Variants in ADHFE1 observed in about 807,000 individuals in gnomAD.
The protein encoded by ADHFE1 is hydroxyacid-oxoacid transhydrogenase, mitochondrial.
A neutral mutation model predicts 54.8 loss-of-function variants in ADHFE1; 37 were observed. That is an observed-to-expected ratio of 0.68 (90% CI 0.52 to 0.89). The LOEUF (loss-of-function observed/expected upper bound fraction) is 0.89. ADHFE1 is among the 40% of genes least tolerant of loss of function. ADHFE1 has a pLI of 0.00. For missense variants in ADHFE1, 601 were observed against 591.2 expected (o/e 1.02, Z -0.17); for synonymous variants, 203 against 229.3 (o/e 0.89, Z 1.04).
At position 66,454,072 on chromosome 8, in the gene ADHFE1, C is replaced by A. The variant is rs1212123276; in HGVS notation, c.901C>A (p.Pro301Thr). ...TATCATTCACAGGGCTGTCAGAAAT[C>A]CCGATGATCTTGAAGCAAGGTCTCA... The part of the protein sequence containing the change: ...AKYLKRAVRN[P>T]DDLEARSHMH... Residue 301 changes from proline to threonine, a missense_variant, in exon 10 of 14, where the codon CCC becomes ACC. Transcript: ENST00000396623. The A allele has an allele frequency of 6.2e-7, 1 of 1,613,848 alleles. No individual in the cohort carries two copies. The highest frequency in any genetic ancestry group is 1.3e-5 in the African/African-American group (1 of 74,898).
At chr8:66,434,261 T>C (rs140393423) in intron 1 of ADHFE1, among the ~76,000 whole-genome samples, 1 of 152,152 alleles carries the variant, frequency 6.6e-6, no homozygotes, top group African/African-American at 2.4e-5. Flanking sequence ...AGGAGGAAAA[T>C]GGCAACTTCA....
At position 66,444,772 on chromosome 8, in the gene ADHFE1, T is replaced by C. The variant is rs1805938085; in HGVS notation, c.353+24T>C. 7 of 1,612,704 alleles carry C rather than the reference T, an allele frequency of 4.3e-6. No individual in the cohort carries two copies. The East Asian group carries it at 1.3e-4, about 31-fold the overall frequency. On this transcript the variant is annotated intron_variant, in intron 5 of 13. Coordinates refer to ENST00000396623, the MANE Select transcript of ADHFE1 (RefSeq NM_144650.3). ...AGGTATTCTTGTATTGTTGTTATTG[T>C]TTCTTTACTTTAAGCAGAAGCTAAC...
rs187158237 is a variant in ADHFE1, at chr8:66,448,894, C to A, written c.658C>A (p.Leu220Met). 5 of 1,614,180 alleles carry A rather than the reference C, an allele frequency of 3.1e-6. No individual in the cohort carries two copies. Among genetic ancestry groups the A allele is most frequent in the Non-Finnish European group, 3.4e-6 (4 of 1,180,040 alleles). ...GITSRAIKPT[L>M]GLIDPLHTLH... ...CACTTCGAGAGCCATCAAACCCACA[C>A]TGGGACTGATTGATCCTCTGCACAC... is the stretch of plus-strand genomic sequence containing the variant. The change falls in exon 8 of 14, where the codon CTG becomes ATG. Residue 220 changes from leucine to methionine, a missense_variant. Leu to Met is a conservative substitution (Grantham distance 15). Coordinates refer to ENST00000396623, the MANE Select transcript of ADHFE1 (RefSeq NM_144650.3).
intron 9 of ADHFE1, among the ~76,000 whole-genome samples, chr8:66,452,978 C>A (rs1311724233): frequency 6.6e-6 from 1 of 152,246 alleles, no homozygotes; most frequent in Non-Finnish European, 1.5e-5. Flanking sequence ...GAGCTAGAAG[C>A]TCCACTGACA....
rs1173612688 is a variant in ADHFE1 at position 66,439,132 on chromosome 8, G to A, written c.60-1030G>A. ...CGCGCCAGCTCTCACTCGCCCCCGC[G>A]TCTGCTTTGACTTCGCAGTTCGAAT... On this transcript the variant is annotated intron_variant, in intron 1 of 13. Transcript: ENST00000396623. This position sits in a 1 kb window ranked among gnomAD's most constrained non-coding sequence, Gnocchi z 4.4. The A allele has an allele frequency of 5.2e-6, 5 of 955,074 alleles. No homozygotes were observed. Among genetic ancestry groups the A allele is most frequent in the Non-Finnish European group, 6.2e-6 (5 of 802,456 alleles). 59.2% of individuals were successfully genotyped at this position (955,074 alleles called of 1,614,324 possible).
chr8:66,458,508 TTG>T (rs1324994088), intron 12 of ADHFE1, among the ~76,000 whole-genome samples: 5 of 152,210 alleles, frequency 3.3e-5, no homozygotes, highest in African/African-American at 1.2e-4. Flanking sequence ...TCAGCTGCCT[TTG>T]TGTATATTCA....
At chr8:66,451,806 TG>T in intron 8 of ADHFE1, 146 bp from the exon 9 acceptor site, 1 of 826,068 alleles carries the variant, frequency 1.2e-6, no homozygotes, top group Non-Finnish European at 1.8e-6. Context: ...AGAGGTGGGC[TG>T]GTAGAATGTA....
Position 66,445,387 on chromosome 8 carries a change from T to C in ADHFE1, c.523T>C (p.Ser175Pro), listed in dbSNP as rs146377307. ...SAPIGKGKPV[S>P]VPLKPLIAVP... ...CCCCATTGGCAAGGGAAAGCCTGTGTCTGTGCCTCTTAAGCCTCTGATTGC... is the reference window on the plus strand; with the variant it reads ...CCCCATTGGCAAGGGAAAGCCTGTGCCTGTGCCTCTTAAGCCTCTGATTGC... The change falls in exon 6 of 14, where the codon TCT becomes CCT. Residue 175 changes from serine (S) to proline (P), a missense_variant. Transcript: ENST00000396623. 2.1e-5 allele frequency: 34 copies of C among 1,612,396 alleles called. No individual in the cohort carries two copies. The African/African-American group carries it at 4.0e-4, about 19-fold the overall frequency.
intron 1 of ADHFE1, among the ~76,000 whole-genome samples, chr8:66,437,761 T>TCCC (rs1805541352): frequency 6.6e-6 from 1 of 152,084 alleles, no homozygotes; most frequent in South Asian, 2.1e-4. Flanking sequence ...AAATTCACAG[T>TCCC]CCACAGGCAG....
chr8:66,452,052 C>G lies in ADHFE1; in HGVS notation c.834C>G (p.Ile278Met). ...CTGCGTACCAGGGCAGCAACCCAATCAGTGACATTTGGGCTATCCACGCGC... is the reference window on the plus strand; with the variant it reads ...CTGCGTACCAGGGCAGCAACCCAATGAGTGACATTTGGGCTATCCACGCGC... ...TRPAYQGSNPISDIWAIHALR... is the reference protein window; with the variant it reads ...TRPAYQGSNPMSDIWAIHALR... The change falls in exon 9 of 14, where the codon ATC (isoleucine) becomes ATG (methionine). Residue 278 changes from isoleucine (I) to methionine (M), a missense_variant. Transcript: ENST00000396623. 1 of 1,614,242 alleles carries G rather than the reference C, an allele frequency of 6.2e-7. No individual in the cohort carries two copies.
At chr8:66,451,346 A>G (rs4737233) in intron 8 of ADHFE1, among the ~76,000 whole-genome samples, 15,212 of 152,244 alleles carry the variant, frequency 0.1, 862 homozygotes, top group East Asian at 0.25. Context: ...AATACTTTAC[A>G]TGTGTCAACT....
chr8:66,460,574 G>T (rs527288861), intron 13 of ADHFE1, 109 bp downstream of exon 13: 29 of 1,349,774 alleles, frequency 2.1e-5, no homozygotes, highest in Non-Finnish European at 2.6e-5. Context: ...GCTCCCCGGT[G>T]GTTCTCGGGT....
In ADHFE1 at chr8:66,439,048, T is replaced by TGGCCC. The variant is rs201366185; in HGVS notation, c.60-1112_60-1108dup. Reference sequence around the variant, plus strand: ...CCACCGTGAAGGGACAAGCCTGGCCTGGCCCGCGTCCTCTCCCCCGGCGCG... The same window carrying TGGCCC: ...CCACCGTGAAGGGACAAGCCTGGCCTGGCCCGGCCCGCGTCCTCTCCCCCGGCGCG... On this transcript the variant is annotated intron_variant, in intron 1 of 13. Coordinates refer to ENST00000396623, the MANE Select transcript of ADHFE1 (RefSeq NM_144650.3). This position sits in a 1 kb window ranked among gnomAD's most constrained non-coding sequence, Gnocchi z 4.4. 0.03 allele frequency among the ~76,000 whole-genome samples: 4,599 copies of TGGCCC among 151,704 alleles called. 94 individuals are homozygous for TGGCCC. The highest frequency in any genetic ancestry group is 0.043 in the Non-Finnish European group (2,939 of 67,844).
intron 13 of ADHFE1, among the ~76,000 whole-genome samples, chr8:66,464,042 G>A (rs891741168): frequency 3.9e-5 from 6 of 152,170 alleles, no homozygotes; most frequent in African/African-American, 1.2e-4. Context: ...ACTGAGGAGC[G>A]CTGTCTACCC....
At chr8:66,446,110 C>G (rs1461050741) in intron 6 of ADHFE1, among the ~76,000 whole-genome samples, 2 of 152,218 alleles carry the variant, frequency 1.3e-5, no homozygotes, top group East Asian at 1.9e-4. Context: ...TTCTTCTCCC[C>G]TCTCCTGCCC....
chr8:66,455,231 G>A (rs1239047179), intron 10 of ADHFE1, among the ~76,000 whole-genome samples: 2 of 152,194 alleles, frequency 1.3e-5, no homozygotes, highest in Non-Finnish European at 2.9e-5. Context: ...CATCTGCGCT[G>A]TTTTACATTC....
intron 1 of ADHFE1, among the ~76,000 whole-genome samples, chr8:66,435,914 CTTTT>C (rs35544367): frequency 3.9e-5 from 4 of 102,542 alleles, no homozygotes; most frequent in Admixed American, 1.0e-4. Flanking sequence ...TAGCAAGATT[CTTTT>C]TTTTTTTTTT....
chr8:66,464,092 A>T (rs1807045496), intron 13 of ADHFE1, among the ~76,000 whole-genome samples: 1 of 152,242 alleles, frequency 6.6e-6, no homozygotes. Context: ...GGCCAGCTGA[A>T]ATGTTGTTAT....
chr8:66,456,305 C>T (rs549093560), intron 10 of ADHFE1, among the ~76,000 whole-genome samples: 2 of 152,206 alleles, frequency 1.3e-5, no homozygotes, highest in African/African-American at 4.8e-5. Context: ...TGACTGGACT[C>T]TGTGAGTATG....
Sources: gnomAD v4.1 joint callset for allele counts (sites outside exome capture counted in the v4.1 genomes callset) on GRCh38, gnomAD v4.1.1 for gene constraint, Gnocchi (gnomAD v3.1) non-coding constraint, MANE v1.5 for transcripts, NCBI Gene and HGNC (gene_info 2026-07-23, HGNC 2026-07-21) for gene names.